OR5D18: variants seen among roughly 807,000 people sequenced by gnomAD.
OR5D18 encodes the protein olfactory receptor family 5 subfamily D member 18.
For synonymous variants in OR5D18, 158 were observed against 152.5 expected (o/e 1.04, Z -0.27); for missense variants, 394 against 367.3 (o/e 1.07, Z -0.59).
Position 55,820,272 on chromosome 11 carries a change from G to A in OR5D18, c.643G>A (p.Val215Ile), listed in dbSNP as rs74562598. Residue 215 changes from valine (V) to isoleucine (I), a missense_variant, in exon 1 of 1, where the codon GTT (valine) becomes ATT (isoleucine). By Grantham distance (29) the Val-to-Ile change is conservative. Transcript: ENST00000333976. Reference protein sequence around the residue: ...TFNEISTLLIVLTSYAFIVVT... With the variant: ...TFNEISTLLIILTSYAFIVVT... Reference sequence around the variant, plus strand: ...TAATGAAATCAGCACACTACTCATCGTTCTCACATCTTATGCGTTCATTGT... The same window carrying A: ...TAATGAAATCAGCACACTACTCATCATTCTCACATCTTATGCGTTCATTGT... The A allele has an allele frequency of 1.0e-3, 1,661 of 1,613,632 alleles. 48 individuals are homozygous for A. The East Asian group carries it at 0.036, about 35-fold the overall frequency.
chr11:55,820,168 G>A lies in OR5D18; in HGVS notation c.539G>A (p.Cys180Tyr). ...HGFNTINHFF[C>Y]EFSSLLSLSC... ...TTCAACACAATCAATCACTTCTTCTGTGAGTTCTCCTCACTACTCTCCCTT... is the reference window on the plus strand; with the variant it reads ...TTCAACACAATCAATCACTTCTTCTATGAGTTCTCCTCACTACTCTCCCTT... The change falls in exon 1 of 1, where the codon TGT becomes TAT. Residue 180 changes from cysteine to tyrosine, a missense_variant. Coordinates refer to ENST00000333976, the MANE Select transcript of OR5D18 (RefSeq NM_001001952.1). 1.9e-6 allele frequency: 3 copies of A among 1,613,906 alleles called. No individual in the cohort carries two copies. The highest frequency in any genetic ancestry group is 2.5e-6 in the Non-Finnish European group (3 of 1,180,010).
chr11:55,819,787 AC>A lies in OR5D18; in HGVS notation c.162del (p.Lys55AsnfsTer30). 4 of 1,613,632 alleles carry A rather than the reference AC, an allele frequency of 2.5e-6. No homozygotes were observed. In the Admixed American group the frequency reaches 5.0e-5, roughly 20 times the overall value. On this transcript the variant is annotated frameshift_variant, in exon 1 of 1. Transcript: ENST00000333976. LOFTEE classifies it low-confidence loss of function (END_TRUNC). The part of the protein sequence containing the change: ...NIGLIVIIKI[N>X]PKLHTPMYFF... The stretch of plus-strand genomic sequence containing the variant: ...GGGTTGATTGTGATCATCAAAATCA[AC>A]CCCAAACTGCATACCCCCATGTACT...
rs1278061249 is a variant in OR5D18, at chr11:55,819,862, T to G, written c.233T>G (p.Ile78Ser). ...SFVDFCYSSI[I>S]APKMLVNLVV... ...GTGGATTTCTGCTATTCCTCCATCA[T>G]TGCTCCCAAGATGTTGGTGAACCTT... Residue 78 changes from isoleucine to serine, a missense_variant, in exon 1 of 1, where the codon ATT becomes AGT. Coordinates refer to ENST00000333976, the MANE Select transcript of OR5D18 (RefSeq NM_001001952.1). The G allele has an allele frequency of 6.2e-7, 1 of 1,613,866 alleles. No homozygotes were observed. Among genetic ancestry groups the G allele is most frequent in the Non-Finnish European group, 8.5e-7 (1 of 1,179,942 alleles).
Position 55,820,115 on chromosome 11 carries a change from C to A in OR5D18, c.486C>A (p.Cys162Ter). The change falls in exon 1 of 1, where the codon TGC becomes TGA. Residue 162 changes from cysteine (C) to a stop codon, truncating the protein, a stop_gained. Coordinates refer to ENST00000333976, the MANE Select transcript of OR5D18 (RefSeq NM_001001952.1). LOFTEE classifies it low-confidence loss of function (END_TRUNC). ...TCTCATGTTCCTTGGAACTGACGTG[C>A]TCTGCTTTAAAGTTATGTTTTCATG... Reference protein sequence around the residue: ...WGVSCSLELTCSALKLCFHGF... With the variant: ...WGVSCSLELT 1 of 1,613,874 alleles carries A rather than the reference C, an allele frequency of 6.2e-7. No homozygotes were observed. Among genetic ancestry groups the A allele is most frequent in the Non-Finnish European group, 8.5e-7 (1 of 1,180,000 alleles).
chr11:55,819,775 T>C lies in OR5D18; in HGVS notation c.146T>C (p.Ile49Thr). 1 of 1,613,898 alleles carries C rather than the reference T, an allele frequency of 6.2e-7. No homozygotes were observed. Among genetic ancestry groups the C allele is most frequent in the South Asian group, 1.1e-5 (1 of 91,084 alleles). ...TVLGNIGLIVIIKINPKLHTP... is the reference protein window; with the variant it reads ...TVLGNIGLIVTIKINPKLHTP... ...CTAGGGAATATTGGGTTGATTGTGA[T>C]CATCAAAATCAACCCCAAACTGCAT... The change falls in exon 1 of 1, where the codon ATC becomes ACC. Residue 49 changes from isoleucine (I) to threonine (T), a missense_variant. Physicochemically the swap from Ile to Thr is moderately conservative, Grantham distance 89 (BLOSUM62 -1). Coordinates refer to ENST00000333976, the MANE Select transcript of OR5D18 (RefSeq NM_001001952.1).
Position 55,820,217 on chromosome 11 carries a change from C to T in OR5D18, c.588C>T (p.Asn196=). ...TTTCTTGCTCTGATACTTACATCAA[C>T]CAGTGGCTGCTATTCTTTCTTGCCA... The part of the protein sequence containing the change: ...LSLSCSDTYI[N]QWLLFFLATF... The change falls in exon 1 of 1, where the codon AAC becomes AAT. Residue 196 remains asparagine (N), a synonymous_variant. Transcript: ENST00000333976. The T allele has an allele frequency of 6.2e-7, 1 of 1,613,916 alleles. No homozygotes were observed. Among genetic ancestry groups the T allele is most frequent in the Non-Finnish European group, 8.5e-7 (1 of 1,179,918 alleles).
rs1853819073 is a variant in OR5D18, at chr11:55,820,343, C to T, written c.714C>T (p.Ala238=). Residue 238 remains alanine, a synonymous_variant, in exon 1 of 1, where the codon GCC becomes GCT. Transcript: ENST00000333976. ...KMRSVSGRRK[A]FSTCASHLTA... ...GTTCAGTCAGTGGGCGCCGCAAAGC[C>T]TTCTCCACCTGTGCCTCCCACCTGA... 2 of 1,613,804 alleles carry T rather than the reference C, an allele frequency of 1.2e-6. No individual in the cohort carries two copies. Among genetic ancestry groups the T allele is most frequent in the Non-Finnish European group, 1.7e-6 (2 of 1,180,014 alleles).
Position 55,819,714 on chromosome 11 carries a change from T to C in OR5D18, c.85T>C (p.Phe29Leu). The change falls in exon 1 of 1, where the codon TTC becomes CTC. Residue 29 changes from phenylalanine to leucine, a missense_variant. Transcript: ENST00000333976. Reference sequence around the variant, plus strand: ...TTACCCAGAACTGCAAGTCCCACTCTTCCTGGTTTTTCTGGCCATCTACAA... The same window carrying C: ...TTACCCAGAACTGCAAGTCCCACTCCTCCTGGTTTTTCTGGCCATCTACAA... The part of the protein sequence containing the change: ...SDYPELQVPL[F>L]LVFLAIYNVT... 6.2e-7 allele frequency: 1 copy of C among 1,613,860 alleles called. No individual in the cohort carries two copies. The highest frequency in any genetic ancestry group is 8.5e-7 in the Non-Finnish European group (1 of 1,179,890).
chr11:55,820,271 C>T lies in OR5D18; in HGVS notation c.642C>T (p.Ile214=), dbSNP rs756611429. Residue 214 remains isoleucine (I), a synonymous_variant, in exon 1 of 1, where the codon ATC becomes ATT. Transcript: ENST00000333976. ...ATFNEISTLL[I]VLTSYAFIVV... is the part of the protein sequence containing the mutation. ...TTAATGAAATCAGCACACTACTCAT[C>T]GTTCTCACATCTTATGCGTTCATTG... 14 of 1,613,870 alleles carry T rather than the reference C, an allele frequency of 8.7e-6. No individual in the cohort carries two copies. Among genetic ancestry groups the T allele is most frequent in the African/African-American group, 6.7e-5 (5 of 74,758 alleles).
chr11:55,820,440 A>T lies in OR5D18; in HGVS notation c.811A>T (p.Thr271Ser). The change falls in exon 1 of 1, where the codon ACA (threonine) becomes TCA (serine). Residue 271 changes from threonine (T) to serine (S), a missense_variant. Coordinates refer to ENST00000333976, the MANE Select transcript of OR5D18 (RefSeq NM_001001952.1). Reference protein sequence around the residue: ...CVPNSKNSRHTVKVASVFYTV... With the variant: ...CVPNSKNSRHSVKVASVFYTV... ...GCCCAACTCCAAAAACTCCAGGCAC[A>T]CAGTCAAAGTGGCCTCTGTGTTTTA... is the stretch of plus-strand genomic sequence containing the variant. 6.2e-7 allele frequency: 1 copy of T among 1,613,892 alleles called. No individual in the cohort carries two copies. The highest frequency in any genetic ancestry group is 8.5e-7 in the Non-Finnish European group (1 of 1,180,022).
chr11:55,819,638 G>GCA lies in OR5D18; in HGVS notation c.9_10insCA (p.Thr4GlnfsTer39). 6.3e-6 allele frequency: 10 copies of GCA among 1,578,692 alleles called. No homozygotes were observed. The highest frequency in any genetic ancestry group is 8.6e-6 in the Non-Finnish European group (10 of 1,160,290). On this transcript the variant is annotated frameshift_variant, in exon 1 of 1. Transcript: ENST00000333976. LOFTEE classifies it low-confidence loss of function (END_TRUNC). ...TCGAAGAAACAGAAGCGATGCTGCT[G>GCA]ACTGATAGAAATACAAGTGGGACCA...
At position 55,820,195 on chromosome 11, in the gene OR5D18, C is replaced by G; in HGVS notation, c.566C>G (p.Ser189Cys). 1 of 1,614,000 alleles carries G rather than the reference C, an allele frequency of 6.2e-7. No homozygotes were observed. Among genetic ancestry groups the G allele is most frequent in the East Asian group, 2.2e-5 (1 of 44,872 alleles). Residue 189 changes from serine to cysteine, a missense_variant, in exon 1 of 1, where the codon TCT becomes TGT. Ser to Cys is a moderately radical substitution (Grantham distance 112). Transcript: ENST00000333976. ...GAGTTCTCCTCACTACTCTCCCTTT[C>G]TTGCTCTGATACTTACATCAACCAG... Reference protein sequence around the residue: ...FCEFSSLLSLSCSDTYINQWL... With the variant: ...FCEFSSLLSLCCSDTYINQWL...
Position 55,819,798 on chromosome 11 carries a change from C to T in OR5D18, c.169C>T (p.His57Tyr). The stretch of plus-strand genomic sequence containing the variant: ...GATCATCAAAATCAACCCCAAACTG[C>T]ATACCCCCATGTACTTTTTCCTCAG... ...IVIIKINPKL[H>Y]TPMYFFLSQL... is the part of the protein sequence containing the mutation. The change falls in exon 1 of 1, where the codon CAT (histidine) becomes TAT (tyrosine). Residue 57 changes from histidine (H) to tyrosine (Y), a missense_variant. Coordinates refer to ENST00000333976, the MANE Select transcript of OR5D18 (RefSeq NM_001001952.1). 6.2e-7 allele frequency: 1 copy of T among 1,613,962 alleles called. No homozygotes were observed. The highest frequency in any genetic ancestry group is 1.3e-5 in the African/African-American group (1 of 74,896).
rs368086216 is a variant in OR5D18, at chr11:55,820,025, C to T, written c.396C>T (p.Leu132=). The change falls in exon 1 of 1, where the codon CTC becomes CTT. Residue 132 remains leucine, a synonymous_variant. Coordinates refer to ENST00000333976, the MANE Select transcript of OR5D18 (RefSeq NM_001001952.1). ...TCGTGGCCATTTGCAACCCTCTGCT[C>T]TACACAGTTAACATGTCCCAGAAAC... ...DRFVAICNPL[L]YTVNMSQKLC... 6.2e-7 allele frequency: 1 copy of T among 1,613,828 alleles called. No homozygotes were observed. Among genetic ancestry groups the T allele is most frequent in the African/African-American group, 1.3e-5 (1 of 74,758 alleles).
Position 55,819,677 on chromosome 11 carries a change from G to A in OR5D18, c.48G>A (p.Leu16=). 1 of 1,613,162 alleles carries A rather than the reference G, an allele frequency of 6.2e-7. No homozygotes were observed. The highest frequency in any genetic ancestry group is 8.5e-7 in the Non-Finnish European group (1 of 1,179,538). ...CAAGTGGGACCACGTTCACCCTCTT[G>A]GGCTTCTCAGATTACCCAGAACTGC... ...RNTSGTTFTL[L]GFSDYPELQV... The change falls in exon 1 of 1, where the codon TTG becomes TTA. Residue 16 remains leucine (L), a synonymous_variant. Transcript: ENST00000333976.
In OR5D18 at chr11:55,820,550, C is replaced by T; in HGVS notation, c.921C>T (p.Asp307=). ...AGGATACAGTCACCGAGATACTGGA[C>T]ACCAAAGTCTTCTCTTACTGAGCCT... ...DVKDTVTEIL[D]TKVFSY is the part of the protein sequence containing the mutation. The change falls in exon 1 of 1, where the codon GAC becomes GAT. Residue 307 remains aspartate, a synonymous_variant. Transcript: ENST00000333976. 6.2e-7 allele frequency: 1 copy of T among 1,607,762 alleles called. No homozygotes were observed. The highest frequency in any genetic ancestry group is 8.5e-7 in the Non-Finnish European group (1 of 1,178,686).
chr11:55,819,923 C>G lies in OR5D18; in HGVS notation c.294C>G (p.Cys98Trp), dbSNP rs147156620. 6.2e-6 allele frequency: 10 copies of G among 1,613,938 alleles called. No homozygotes were observed. Among genetic ancestry groups the G allele is most frequent in the Non-Finnish European group, 8.5e-6 (10 of 1,179,982 alleles). ...ACAGAACCATTTCATTTTTAGGATG[C>G]GTAGTACAATTCTTTTTCTTCTGTA... ...VKDRTISFLG[C>W]VVQFFFFCTF... The change falls in exon 1 of 1, where the codon TGC becomes TGG. Residue 98 changes from cysteine (C) to tryptophan (W), a missense_variant. Physicochemically the swap from Cys to Trp is radical, Grantham distance 215 (BLOSUM62 -2). Coordinates refer to ENST00000333976, the MANE Select transcript of OR5D18 (RefSeq NM_001001952.1).
rs1163783860 is a variant in OR5D18 at position 55,819,711 on chromosome 11, C to T, written c.82C>T (p.Leu28Phe). The change falls in exon 1 of 1, where the codon CTC becomes TTC. Residue 28 changes from leucine to phenylalanine, a missense_variant. By Grantham distance (22) the Leu-to-Phe change is conservative. Coordinates refer to ENST00000333976, the MANE Select transcript of OR5D18 (RefSeq NM_001001952.1). ...FSDYPELQVPLFLVFLAIYNV... is the reference protein window; with the variant it reads ...FSDYPELQVPFFLVFLAIYNV... Reference sequence around the variant, plus strand: ...AGATTACCCAGAACTGCAAGTCCCACTCTTCCTGGTTTTTCTGGCCATCTA... The same window carrying T: ...AGATTACCCAGAACTGCAAGTCCCATTCTTCCTGGTTTTTCTGGCCATCTA... The T allele has an allele frequency of 6.2e-7, 1 of 1,613,766 alleles. No individual in the cohort carries two copies. Among genetic ancestry groups the T allele is most frequent in the Non-Finnish European group, 8.5e-7 (1 of 1,179,812 alleles).
In OR5D18 at chr11:55,820,412, T is replaced by C; in HGVS notation, c.783T>C (p.Cys261=). 6.2e-7 allele frequency: 1 copy of C among 1,613,998 alleles called. No homozygotes were observed. The change falls in exon 1 of 1, where the codon TGT becomes TGC. Residue 261 remains cysteine (C), a synonymous_variant. Transcript: ENST00000333976. Reference sequence around the variant, plus strand: ...ATGGCACCATCCTCTTCCTTTACTGTGTGCCCAACTCCAAAAACTCCAGGC... The same window carrying C: ...ATGGCACCATCCTCTTCCTTTACTGCGTGCCCAACTCCAAAAACTCCAGGC... ...IFHGTILFLY[C]VPNSKNSRHT...
Sources: allele counts gnomAD v4.1 joint callset, GRCh38; gene constraint gnomAD v4.1.1; transcripts MANE v1.5; gene names NCBI Gene and HGNC (gene_info 2026-07-23, HGNC 2026-07-21).